DLG2: variants seen among roughly 807,000 people sequenced by gnomAD.
The protein encoded by DLG2 is discs large MAGUK scaffold protein 2.
Under a neutral mutation model 132.5 loss-of-function variants are expected in DLG2, and 45 were observed. The ratio of observed to expected loss-of-function variants is 0.34; its 90% CI spans 0.27 to 0.44. The LOEUF (loss-of-function observed/expected upper bound fraction) is 0.44, where lower values mean the gene tolerates loss of function less well. Ranked by LOEUF, DLG2 falls within the 20% of genes least tolerant of loss-of-function variation. DLG2 has a pLI of 1.00. For synonymous variants in DLG2, 424 were observed against 419.6 expected, an observed-to-expected ratio of 1.01 and a Z score of -0.13; for missense variants, 1,045 against 1,196.9, an observed-to-expected ratio of 0.87 and a Z score of 1.87.
At chr11:84,642,913 A>G (rs533393792) in intron 6 of DLG2, among the ~76,000 whole-genome samples, 1 of 152,342 alleles carries the variant, frequency 6.6e-6, no homozygotes, top group Non-Finnish European at 1.5e-5. Flanking sequence ...TAAAAGAATC[A>G]AGAAAAATTA....
intron 6 of DLG2, among the ~76,000 whole-genome samples, chr11:84,570,483 T>G (rs1207701687): frequency 1.3e-5 from 2 of 152,156 alleles, no homozygotes; most frequent in Non-Finnish European, 2.9e-5. Context: ...AAAGATAGGA[T>G]AGTGTGCATT....
intron 7 of DLG2, among the ~76,000 whole-genome samples, chr11:84,298,771 C>G (rs1319291118): frequency 6.6e-6 from 1 of 151,374 alleles, no homozygotes; most frequent in African/African-American, 2.4e-5. Context: ...AGAGTCATTA[C>G]AGAGAGAGAG....
chr11:83,759,480 C>A (rs951815146), intron 18 of DLG2, among the ~76,000 whole-genome samples: 3 of 152,178 alleles, frequency 2.0e-5, no homozygotes, highest in African/African-American at 7.2e-5. Flanking sequence ...CAACTGTGAC[C>A]TCGAAGGCTT....
intron 6 of DLG2, among the ~76,000 whole-genome samples, chr11:84,924,745 G>A (rs1308289268): frequency 6.6e-6 from 1 of 152,122 alleles, no homozygotes; most frequent in Non-Finnish European, 1.5e-5. Context: ...CTTGGGCAAC[G>A]TAAGAGAAGG....
chr11:84,098,998 T>C lies in DLG2; in HGVS notation c.674A>G (p.His225Arg). 1.9e-6 allele frequency: 3 copies of C among 1,613,328 alleles called. No homozygotes were observed. The highest frequency in any genetic ancestry group is 2.2e-5 in the South Asian group (2 of 91,064). ...AAATATGCCAGGGTCATCTCCAATG[T>C]GGGGATTATCTGTCCCCCCAGCAAT... ...FSIAGGTDNP[H>R]IGDDPGIFIT... Residue 225 changes from histidine (H) to arginine (R), a missense_variant, in exon 10 of 28, where the codon CAC (histidine) becomes CGC (arginine). His to Arg is a conservative substitution (Grantham distance 29, BLOSUM62 0). Transcript: ENST00000376104.
intron 11 of DLG2, among the ~76,000 whole-genome samples, chr11:83,999,820 C>A (rs2094246681): frequency 6.6e-6 from 1 of 151,752 alleles, no homozygotes; most frequent in African/African-American, 2.4e-5. Flanking sequence ...GAATCAAAGC[C>A]AAAGTGCCCT....
At chr11:83,538,680 C>T (rs1350584273) in intron 20 of DLG2, among the ~76,000 whole-genome samples, 3 of 152,170 alleles carry the variant, frequency 2.0e-5, no homozygotes, top group Admixed American at 6.6e-5. Flanking sequence ...TTTGAAAGCA[C>T]CTGGTGCAAT....
intron 6 of DLG2, among the ~76,000 whole-genome samples, chr11:84,549,976 G>A (rs777362881): frequency 1.3e-5 from 2 of 152,032 alleles, no homozygotes; most frequent in Middle Eastern, 3.4e-3. Flanking sequence ...GGCTGGCCTC[G>A]AACTCCTGGC....
intron 3 of DLG2, among the ~76,000 whole-genome samples, chr11:85,287,746 T>C (rs975077312): frequency 6.6e-6 from 1 of 152,046 alleles, no homozygotes; most frequent in African/African-American, 2.4e-5. Flanking sequence ...CCAATGTCCA[T>C]CAAAAGTGAA....
At chr11:84,307,895 G>A (rs868635913) in intron 7 of DLG2, among the ~76,000 whole-genome samples, 3 of 151,960 alleles carry the variant, frequency 2.0e-5, no homozygotes, top group South Asian at 2.1e-4. Flanking sequence ...TTAAGGCGGC[G>A]CGTCTGGAGT....
chr11:84,475,542 G>A (rs2099119376), intron 7 of DLG2, among the ~76,000 whole-genome samples: 1 of 152,062 alleles, frequency 6.6e-6, no homozygotes, highest in Non-Finnish European at 1.5e-5. Flanking sequence ...GTGTGTTGAA[G>A]CAGTCTCCTA....
chr11:84,359,272 T>C (rs1190621028), intron 7 of DLG2, among the ~76,000 whole-genome samples: 1 of 151,904 alleles, frequency 6.6e-6, no homozygotes, highest in East Asian at 1.9e-4. Context: ...GCTGTTGTTC[T>C]AATCTGTAAC....
intron 8 of DLG2, among the ~76,000 whole-genome samples, chr11:84,198,866 G>C (rs2096557348): frequency 6.6e-6 from 1 of 152,112 alleles, no homozygotes. Context: ...TAGGACTACT[G>C]ATATGTGGTG....
At chr11:83,655,689 T>C (rs183313346) in intron 18 of DLG2, among the ~76,000 whole-genome samples, 2 of 152,362 alleles carry the variant, frequency 1.3e-5, no homozygotes, top group Admixed American at 6.5e-5. Flanking sequence ...GAAATTTTAA[T>C]TGAGAGTGTT....
intron 4 of DLG2, among the ~76,000 whole-genome samples, chr11:85,266,454 T>C (rs1204968594): frequency 2.0e-5 from 3 of 152,034 alleles, no homozygotes; most frequent in Non-Finnish European, 4.4e-5. Context: ...CAGTAGGGCC[T>C]GTTGGGGGAT....
intron 2 of DLG2, among the ~76,000 whole-genome samples, chr11:85,606,150 C>T (rs1220474270): frequency 6.6e-6 from 1 of 152,062 alleles, no homozygotes; most frequent in African/African-American, 2.4e-5. Context: ...AGATTTAGAA[C>T]GATTAACTAT....
chr11:83,695,981 G>A (rs2081863845), intron 18 of DLG2, among the ~76,000 whole-genome samples: 1 of 152,118 alleles, frequency 6.6e-6, no homozygotes, highest in Non-Finnish European at 1.5e-5. Flanking sequence ...TCACGGGGTG[G>A]ATCATTCTCT....
chr11:84,132,464 C>T (rs1017788680), intron 9 of DLG2, among the ~76,000 whole-genome samples: 1 of 151,916 alleles, frequency 6.6e-6, no homozygotes, highest in African/African-American at 2.4e-5. Flanking sequence ...GATTCCTGAA[C>T]ACACACATCA....
intron 7 of DLG2, among the ~76,000 whole-genome samples, chr11:84,465,980 G>T (rs751856750): frequency 6.6e-6 from 1 of 151,102 alleles, no homozygotes; most frequent in Non-Finnish European, 1.5e-5. Flanking sequence ...ATTTGATGTT[G>T]CCATACTACT....
Sources: allele counts gnomAD v4.1 joint callset (sites outside exome capture counted in the v4.1 genomes callset), GRCh38; gene constraint gnomAD v4.1.1; transcripts MANE v1.5; gene names NCBI Gene and HGNC (gene_info 2026-07-23, HGNC 2026-07-21).